CACNA1H: variants seen among roughly 807,000 people sequenced by gnomAD.
CACNA1H encodes voltage-dependent T-type calcium channel subunit alpha-1H.
A neutral mutation model predicts 192.5 loss-of-function variants in CACNA1H; 149 were observed. That is an observed-to-expected ratio of 0.77 (90% CI 0.68 to 0.89). The LOEUF is 0.89. Among genes scored for constraint, CACNA1H ranks in the 40% least tolerant of loss-of-function variants. The pLI, the probability that CACNA1H is intolerant of heterozygous loss-of-function variation, is 0.00. For missense variants in CACNA1H, 4,257 were observed against 3,423.5 expected (o/e 1.24, Z -6.08); for synonymous variants, 2,202 against 1,475.2 (o/e 1.49, Z -11.29).
Position 1,207,812 on chromosome 16 carries a change from G to C in CACNA1H, c.3106G>C (p.Val1036Leu). The C allele has an allele frequency of 6.2e-7, 1 of 1,603,188 alleles. No homozygotes were observed. Among genetic ancestry groups the C allele is most frequent in the Non-Finnish European group, 8.5e-7 (1 of 1,175,140 alleles). The change falls in exon 15 of 35, where the codon GTC becomes CTC. Residue 1036 changes from valine (V) to leucine (L), a missense_variant. Val to Leu is a conservative substitution (Grantham distance 32, BLOSUM62 1). Transcript: ENST00000348261. ...CGACACGGACGAGGACAAGACGTCG[G>C]TCCACTTCGAGGAGGACTTCCACAA... ...RSDTDEDKTS[V>L]HFEEDFHKLR...
rs1275938567 is a variant in CACNA1H, at chr16:1,204,155, C to A, written c.2148C>A (p.Gly716=). 7.4e-6 allele frequency: 12 copies of A among 1,612,396 alleles called. No homozygotes were observed. In the East Asian group the frequency reaches 2.5e-4, roughly 33 times the overall value. The part of the protein sequence containing the change: ...ALEDPEGELS[G]SESGDSDGRG... ...AGGACCCGGAGGGTGAGCTCAGCGG[C>A]TCGGAAAGTGGAGACTCAGATGGCC... is the stretch of plus-strand genomic sequence containing the variant. Residue 716 remains glycine, a synonymous_variant, in exon 10 of 35, where the codon GGC becomes GGA. Coordinates refer to ENST00000348261, the MANE Select transcript of CACNA1H (RefSeq NM_021098.3).
At chr16:1,203,046 C>T (rs1271043289) in intron 9 of CACNA1H, among the ~76,000 whole-genome samples, 2 of 152,178 alleles carry the variant, frequency 1.3e-5, no homozygotes, top group African/African-American at 2.4e-5. Context: ...TGGTTCTGTA[C>T]ACAGATGTAG....
chr16:1,195,706 C>T (rs1966885191), intron 4 of CACNA1H, 141 bp downstream of exon 4: 2 of 1,079,272 alleles, frequency 1.9e-6, no homozygotes, highest in East Asian at 5.2e-5. Context: ...CTGTCTGGGA[C>T]TCCGGAGACC....
At chr16:1,192,043 T>C (rs1271263874) in intron 2 of CACNA1H, among the ~76,000 whole-genome samples, 1 of 152,340 alleles carries the variant, frequency 6.6e-6, no homozygotes, top group African/African-American at 2.4e-5. Context: ...TGCCCCTCTA[T>C]GGTCTTCTGC....
At position 1,220,946 on chromosome 16, in the gene CACNA1H, C is replaced by A. The variant is rs1178477717; in HGVS notation, c.7014C>A (p.Ser2338=). Residue 2338 remains serine (S), a synonymous_variant, in exon 35 of 35, where the codon TCC becomes TCA. Transcript: ENST00000348261. ...VPQCPLEKPG[S]PSATPAPGGG... is the part of the protein sequence containing the mutation. ...AGTGTCCTCTGGAGAAACCAGGGTC[C>A]CCCTCAGCCACCCCTGCCCCAGGGG... 1 of 1,606,898 alleles carries A rather than the reference C, an allele frequency of 6.2e-7. No homozygotes were observed. The highest frequency in any genetic ancestry group is 1.3e-5 in the African/African-American group (1 of 74,530).
Position 1,217,973 on chromosome 16 carries a change from A to G in CACNA1H, c.5378A>G (p.Asn1793Ser), listed in dbSNP as rs72552051. 868 of 1,605,494 alleles carry G rather than the reference A, an allele frequency of 5.4e-4. 14 individuals carry two copies. The South Asian group carries it at 9.3e-3, about 17-fold the overall frequency. The change falls in exon 32 of 35, where the codon AAC becomes AGC. Residue 1793 changes from asparagine to serine, a missense_variant. Transcript: ENST00000348261. The stretch of plus-strand genomic sequence containing the variant: ...CTGAGCAGGCACGCCACCTTCAGCA[A>G]CTTCGGCATGGCCTTCCTCACGCTG... ...EGLSRHATFS[N>S]FGMAFLTLFR...
At chr16:1,190,679 C>T (rs1314470197) in intron 2 of CACNA1H, among the ~76,000 whole-genome samples, 1 of 152,248 alleles carries the variant, frequency 6.6e-6, no homozygotes, top group East Asian at 1.9e-4. Context: ...ACCACCGTCC[C>T]CTCCAGAGCT....
chr16:1,158,758 C>T (rs1019570049), intron 2 of CACNA1H, among the ~76,000 whole-genome samples: 13 of 152,206 alleles, frequency 8.5e-5, no homozygotes, highest in African/African-American at 2.6e-4. Flanking sequence ...ACGAGTTTGC[C>T]GAGAGAGCTC....
intron 33 of CACNA1H, 145 bp from the exon 34 acceptor site, chr16:1,218,825 G>A (rs1970245032): frequency 9.1e-7 from 1 of 1,101,136 alleles, no homozygotes; most frequent in Non-Finnish European, 1.3e-6. Context: ...AGGAGGCTGG[G>A]TGTGGGCAGG....
chr16:1,194,954 C>T lies in CACNA1H; in HGVS notation c.300-18C>T, dbSNP rs375296294. ...GGTCCCGGGCCGCGCCGGTGTGCTCCTTAACCCGCGGCGACACATGGTTCG... is the reference window on the plus strand; with the variant it reads ...GGTCCCGGGCCGCGCCGGTGTGCTCTTTAACCCGCGGCGACACATGGTTCG... On this transcript the variant is annotated intron_variant, in intron 2 of 34. Coordinates refer to ENST00000348261, the MANE Select transcript of CACNA1H (RefSeq NM_021098.3). 5.0e-6 allele frequency: 8 copies of T among 1,591,344 alleles called. 1 individual carries two copies. Among genetic ancestry groups the T allele is most frequent in the Middle Eastern group, 3.3e-4 (2 of 6,016 alleles).
intron 2 of CACNA1H, among the ~76,000 whole-genome samples, chr16:1,179,514 C>T (rs1031745756): frequency 4.6e-5 from 7 of 151,672 alleles, no homozygotes; most frequent in Non-Finnish European, 7.4e-5. Context: ...CCCCAATCTC[C>T]GCCTCCCGGG....
intron 2 of CACNA1H, among the ~76,000 whole-genome samples, chr16:1,159,313 C>G (rs1165898759): frequency 6.6e-6 from 1 of 151,692 alleles, no homozygotes; most frequent in Non-Finnish European, 1.5e-5. Flanking sequence ...GCACAGGAGC[C>G]TGTGCGGGAG....
rs1047851013 is a variant in CACNA1H at position 1,207,842 on chromosome 16, A to G, written c.3136A>G (p.Arg1046Gly). The G allele has an allele frequency of 2.5e-6, 4 of 1,596,108 alleles. No homozygotes were observed. Among genetic ancestry groups the G allele is most frequent in the Non-Finnish European group, 3.4e-6 (4 of 1,171,748 alleles). The change falls in exon 15 of 35, where the codon AGA becomes GGA. Residue 1046 changes from arginine to glycine, a missense_variant. Physicochemically the swap from Arg to Gly is moderately radical, Grantham distance 125. Transcript: ENST00000348261. ...CTTCGAGGAGGACTTCCACAAGCTC[A>G]GAGAACTCCAGACCACAGGTGCGTG... ...VHFEEDFHKL[R>G]ELQTTELKMC...
intron 2 of CACNA1H, among the ~76,000 whole-genome samples, chr16:1,190,499 T>C (rs1966506626): frequency 1.3e-5 from 2 of 151,958 alleles, no homozygotes; most frequent in Non-Finnish European, 1.5e-5. Flanking sequence ...TGCTCCCCTC[T>C]CTAGGCAGAG....
chr16:1,168,992 A>C (rs1964086488), intron 2 of CACNA1H, among the ~76,000 whole-genome samples: 1 of 152,062 alleles, frequency 6.6e-6, no homozygotes, highest in Non-Finnish European at 1.5e-5. Flanking sequence ...TCTTAGGGTG[A>C]TGCCAGGGCG....
intron 2 of CACNA1H, among the ~76,000 whole-genome samples, chr16:1,186,134 A>G (rs1202556490): frequency 4.0e-5 from 3 of 75,804 alleles, no homozygotes; most frequent in Admixed American, 1.6e-4. Context: ...CGGGGTGTGT[A>G]CGGGGCGGGT....
chr16:1,215,909 T>G (rs1179296460), intron 30 of CACNA1H, among the ~76,000 whole-genome samples: 2 of 152,026 alleles, frequency 1.3e-5, no homozygotes, highest in Non-Finnish European at 2.9e-5. Flanking sequence ...GGTGGGTGTG[T>G]GTGGGCACAG....
intron 29 of CACNA1H, 46 bp downstream of exon 29, chr16:1,215,421 G>A (rs773458530): frequency 1.4e-5 from 23 of 1,589,520 alleles, no homozygotes; most frequent in African/African-American, 5.4e-5. Flanking sequence ...GGTGGAGGGT[G>A]GGGGCTCAGC....
chr16:1,173,124 G>A (rs1412393923), intron 2 of CACNA1H, among the ~76,000 whole-genome samples: 2 of 152,160 alleles, frequency 1.3e-5, no homozygotes, highest in African/African-American at 4.8e-5. Flanking sequence ...TCGAGGTGTG[G>A]GGCAAGTTGG....
Sources: allele counts gnomAD v4.1 joint callset (sites outside exome capture counted in the v4.1 genomes callset), GRCh38; gene constraint gnomAD v4.1.1; transcripts MANE v1.5; gene names NCBI Gene and HGNC (gene_info 2026-07-23, HGNC 2026-07-21).